The following GARNL3 variants were observed in gnomAD, a reference collection of about 807,000 sequenced individuals.
The protein encoded by GARNL3 is GTPase-activating Rap/Ran-GAP domain-like protein 3.
A neutral mutation model predicts 125.0 loss-of-function variants in GARNL3; 63 were observed. The ratio of observed to expected loss-of-function variants is 0.50; its 90% CI spans 0.41 to 0.62. GARNL3 has a LOEUF of 0.62. Ranked by LOEUF, GARNL3 falls within the 20% of genes least tolerant of loss-of-function variation. The pLI, the probability that GARNL3 is intolerant of heterozygous loss-of-function variation, is 0.00. For missense variants in GARNL3, 994 were observed against 1,244.0 expected (o/e 0.80, Z 3.02); for synonymous variants, 439 against 457.5 (o/e 0.96, Z 0.52).
intron 22 of GARNL3, among the ~76,000 whole-genome samples, chr9:127,368,594 G>A (rs1438315898): frequency 2.0e-5 from 3 of 149,136 alleles, no homozygotes; most frequent in African/African-American, 4.9e-5. Context: ...GCCTCCCAAA[G>A]TGCTGGGATT....
chr9:127,231,036 A>ATATATG (rs1564835200), intron 1 of GARNL3, among the ~76,000 whole-genome samples: 9 of 32,492 alleles, frequency 2.8e-4, no homozygotes, highest in African/African-American at 1.6e-3. Flanking sequence ...GTATATATAC[A>ATATATG]TATATATATA....
Position 127,385,194 on chromosome 9 carries a change from A to C in GARNL3, c.2388+49A>C. 1.7e-6 allele frequency: 2 copies of C among 1,199,700 alleles called. No homozygotes were observed. The highest frequency in any genetic ancestry group is 2.4e-6 in the Non-Finnish European group (2 of 841,168). The allele number at this position is 1,199,700 out of a possible 1,614,324, so 74.3% of individuals were successfully genotyped here. On this transcript the variant is annotated intron_variant, in intron 24 of 27. Coordinates refer to ENST00000373387, the MANE Select transcript of GARNL3 (RefSeq NM_032293.5). This position sits in a 1 kb window ranked among gnomAD's most constrained non-coding sequence, Gnocchi z 4.1. ...TCTGAGTGGTTTGGGGGACCCCGGC[A>C]CTGTGGGATTTCAGGTGAGCACAGA...
intron 16 of GARNL3, among the ~76,000 whole-genome samples, chr9:127,345,964 G>A (rs1460925922): frequency 6.6e-6 from 1 of 152,074 alleles, no homozygotes; most frequent in African/African-American, 2.4e-5. Flanking sequence ...GATTGAACAG[G>A]TCTGGGGTGG....
At position 127,313,504 on chromosome 9, in the gene GARNL3, C is replaced by G; in HGVS notation, c.383C>G (p.Ser128Cys). Residue 128 changes from serine (S) to cysteine (C), a missense_variant, in exon 4 of 28, where the codon TCT becomes TGT. Transcript: ENST00000373387. ...KSPFFLSVTL[S>C]DQNNQRVPQY... is the part of the protein sequence containing the mutation. Reference sequence around the variant, plus strand: ...CCTTTCTTCTTGTCCGTGACCCTTTCTGACCAAAACAATCAACGTGTCCCT... The same window carrying G: ...CCTTTCTTCTTGTCCGTGACCCTTTGTGACCAAAACAATCAACGTGTCCCT... The G allele has an allele frequency of 6.2e-7, 1 of 1,614,152 alleles. No homozygotes were observed. Among genetic ancestry groups the G allele is most frequent in the African/African-American group, 1.3e-5 (1 of 75,060 alleles).
chr9:127,237,705 G>A (rs2063137865), intron 1 of GARNL3, among the ~76,000 whole-genome samples: 1 of 152,228 alleles, frequency 6.6e-6, no homozygotes, highest in African/African-American at 2.4e-5. Context: ...TGGGTGAAGA[G>A]GTAAAAATGG....
chr9:127,390,639 A>C lies in GARNL3; in HGVS notation c.2744-2A>C. The C allele has an allele frequency of 6.2e-7, 1 of 1,613,818 alleles. No individual in the cohort carries two copies. The highest frequency in any genetic ancestry group is 8.5e-7 in the Non-Finnish European group (1 of 1,179,794). On this transcript the variant is annotated splice_acceptor_variant, in intron 26 of 27. Transcript: ENST00000373387. LOFTEE classifies it high-confidence loss of function. ...CCCTCTGACCTATGATTCTCAATCC[A>C]GGCCTCTCGGATGAAGGTGGACCCA...
intron 2 of GARNL3, among the ~76,000 whole-genome samples, chr9:127,298,467 C>G (rs2064676947): frequency 6.6e-6 from 1 of 152,194 alleles, no homozygotes; most frequent in Non-Finnish European, 1.5e-5. Flanking sequence ...GCATGAGCCA[C>G]CACGCCCGGC....
intron 7 of GARNL3, among the ~76,000 whole-genome samples, chr9:127,329,415 C>T (rs79254273): frequency 5.9e-5 from 9 of 152,238 alleles, no homozygotes; most frequent in African/African-American, 2.2e-4. Context: ...CCCTTGGGTG[C>T]ACAGGTACTT....
At chr9:127,336,058 G>GT (rs988563684) in intron 10 of GARNL3, 70 bp from the exon 11 acceptor site, 5 of 1,160,650 alleles carry the variant, frequency 4.3e-6, no homozygotes, top group South Asian at 1.3e-5. Flanking sequence ...ATTGGGTTAT[G>GT]TTTTTTTAAC....
In GARNL3 at chr9:127,335,273, G is replaced by A; in HGVS notation, c.813G>A (p.Gly271=). Residue 271 remains glycine, a synonymous_variant, in exon 10 of 28, where the codon GGG becomes GGA. Coordinates refer to ENST00000373387, the MANE Select transcript of GARNL3 (RefSeq NM_032293.5). The part of the protein sequence containing the change: ...GIHSVYTVYQ[G]HEIMFHVSTM... ...ATTCAGTTTATACTGTGTACCAAGGGCATGAGATCATGTTTCATGTTTCCA... is the reference window on the plus strand; with the variant it reads ...ATTCAGTTTATACTGTGTACCAAGGACATGAGATCATGTTTCATGTTTCCA... The A allele has an allele frequency of 1.2e-6, 2 of 1,614,026 alleles. No homozygotes were observed. Among genetic ancestry groups the A allele is most frequent in the South Asian group, 1.1e-5 (1 of 91,080 alleles).
intron 1 of GARNL3, among the ~76,000 whole-genome samples, chr9:127,234,479 G>C (rs1433298383): frequency 6.6e-6 from 1 of 152,206 alleles, no homozygotes; most frequent in Non-Finnish European, 1.5e-5. Context: ...CAGAGGCAGA[G>C]AGTGTAGAGA....
chr9:127,373,938 G>A (rs998188557), intron 22 of GARNL3, among the ~76,000 whole-genome samples: 1 of 152,148 alleles, frequency 6.6e-6, no homozygotes, highest in African/African-American at 2.4e-5. Context: ...CCCAAGAGGC[G>A]GAGACTGCAG....
chr9:127,384,932 GT>G lies in GARNL3; in HGVS notation c.2270-92del, dbSNP rs1219820551. 9 of 635,884 alleles carry G rather than the reference GT, an allele frequency of 1.4e-5. No homozygotes were observed. Among genetic ancestry groups the G allele is most frequent in the Non-Finnish European group, 2.5e-5 (9 of 362,480 alleles). 39.4% of individuals were successfully genotyped at this position (635,884 alleles called of 1,614,324 possible). ...GCAGCCAGAGGAATGAGAGATGGAA[GT>G]TTCTAGAGAAGTGAGTGTGACTATG... is the stretch of plus-strand genomic sequence containing the variant. On this transcript the variant is annotated intron_variant, in intron 23 of 27. Coordinates refer to ENST00000373387, the MANE Select transcript of GARNL3 (RefSeq NM_032293.5). This position sits in a 1 kb window ranked among gnomAD's most constrained non-coding sequence, Gnocchi z 4.0.
At chr9:127,388,361 G>A (rs540049537) in intron 25 of GARNL3, 1 of 155,070 alleles carries the variant, frequency 6.4e-6, no homozygotes, top group East Asian at 1.9e-4. Flanking sequence ...GGAGTTAAAG[G>A]CTATAGAGTT....
chr9:127,269,342 A>G (rs1236670815), intron 1 of GARNL3, among the ~76,000 whole-genome samples: 1 of 152,182 alleles, frequency 6.6e-6, no homozygotes, highest in Non-Finnish European at 1.5e-5. Flanking sequence ...CGTTGTTTCT[A>G]CATTTTAGCT....
intron 26 of GARNL3, 72 bp downstream of exon 26, chr9:127,389,191 T>A (rs549931934): frequency 7.9e-5 from 88 of 1,114,636 alleles, no homozygotes; most frequent in Non-Finnish European, 1.0e-4. Flanking sequence ...ATATGAATTG[T>A]CCTCAGAAAC....
chr9:127,383,350 A>G (rs1468034669), intron 22 of GARNL3, 88 bp from the exon 23 acceptor site: 1 of 767,126 alleles, frequency 1.3e-6, no homozygotes, highest in Non-Finnish European at 2.2e-6. Context: ...ATAGGGTACT[A>G]TTCTTGTTGC....
intron 16 of GARNL3, among the ~76,000 whole-genome samples, chr9:127,347,067 C>G (rs887815815): frequency 6.6e-6 from 1 of 152,182 alleles, no homozygotes; most frequent in African/African-American, 2.4e-5. Context: ...AACAGTTCCT[C>G]AGACCTCACA....
rs543855249 is a variant in GARNL3, at chr9:127,334,380, G to A, written c.770-850G>A. Among the ~76,000 whole-genome samples the A allele has an allele frequency of 4.1e-4, 63 of 152,292 alleles. 2 individuals carry two copies. The South Asian group carries it at 0.013, about 31-fold the overall frequency. ...CTAATAGTGATAGGCTTCGAGTGCA[G>A]GTCTCCTTACCCTCTGGGAGCCTCA... is the stretch of plus-strand genomic sequence containing the variant. On this transcript the variant is annotated intron_variant, in intron 9 of 27. Transcript: ENST00000373387.
Sources: allele counts gnomAD v4.1 joint callset (sites outside exome capture counted in the v4.1 genomes callset), GRCh38; gene constraint gnomAD v4.1.1; non-coding constraint Gnocchi (gnomAD v3.1); transcripts MANE v1.5; gene names NCBI Gene and HGNC (gene_info 2026-07-23, HGNC 2026-07-21).